The following DTNA variants were observed in gnomAD, a reference collection of about 807,000 sequenced individuals.
DTNA encodes dystrobrevin alpha.
DTNA carries 43 observed loss-of-function variants against 100.7 expected under a neutral mutation model. The observed-to-expected ratio is 0.43, with a 90% confidence interval of 0.33 to 0.55. The LOEUF (loss-of-function observed/expected upper bound fraction) is 0.55. DTNA is among the 20% of genes least tolerant of loss of function. The pLI, the probability that DTNA is intolerant of heterozygous loss-of-function variation, is 0.04. For synonymous variants in DTNA, 349 were observed against 347.9 expected, an observed-to-expected ratio of 1.00 and a Z score of -0.04; for missense variants, 798 against 953.9, an observed-to-expected ratio of 0.84 and a Z score of 2.15.
At chr18:34,678,696 G>A (rs1429931711) in intron 1 of DTNA, among the ~76,000 whole-genome samples, 1 of 152,108 alleles carries the variant, frequency 6.6e-6, no homozygotes, top group African/African-American at 2.4e-5. Flanking sequence ...GATGATGAGT[G>A]GAGTGCCTGG....
chr18:34,827,837 C>T (rs1379408289), intron 10 of DTNA, among the ~76,000 whole-genome samples, 161 bp downstream of exon 10: 6 of 152,130 alleles, frequency 3.9e-5, no homozygotes, highest in Admixed American at 1.3e-4. Flanking sequence ...CATTTGTATG[C>T]ATTTAAAGAG....
chr18:34,576,129 C>G (rs918118375), intron 1 of DTNA, among the ~76,000 whole-genome samples: 6 of 152,182 alleles, frequency 3.9e-5, no homozygotes, highest in Non-Finnish European at 8.8e-5. Flanking sequence ...TCCTAGAGTC[C>G]TGATCCTGGG....
intron 1 of DTNA, among the ~76,000 whole-genome samples, chr18:34,725,179 G>T (rs1283888567): frequency 6.6e-6 from 1 of 152,092 alleles, no homozygotes; most frequent in African/African-American, 2.4e-5. Flanking sequence ...TCAGGAGATA[G>T]GCATGGGCAA....
At chr18:34,573,321 C>T (rs1378330489) in intron 1 of DTNA, among the ~76,000 whole-genome samples, 1 of 152,198 alleles carries the variant, frequency 6.6e-6, no homozygotes, top group African/African-American at 2.4e-5. Flanking sequence ...AAAAATGCCT[C>T]TCAAAACTTT....
chr18:34,723,053 G>T (rs1214805819), intron 1 of DTNA, among the ~76,000 whole-genome samples: 1 of 151,934 alleles, frequency 6.6e-6, no homozygotes, highest in Non-Finnish European at 1.5e-5. Context: ...ATGTCTATGG[G>T]AATTTTAAAT....
intron 1 of DTNA, among the ~76,000 whole-genome samples, chr18:34,738,690 G>A (rs908936339): frequency 1.3e-5 from 2 of 152,156 alleles, no homozygotes; most frequent in Non-Finnish European, 2.9e-5. Context: ...GGTTTAGGAT[G>A]TCTGATAGAG....
chr18:34,746,771 G>T (rs1281511369), intron 1 of DTNA, among the ~76,000 whole-genome samples: 1 of 152,086 alleles, frequency 6.6e-6, no homozygotes, highest in Non-Finnish European at 1.5e-5. Flanking sequence ...CTTCCAAAAA[G>T]TTCCTTTCCA....
intron 1 of DTNA, among the ~76,000 whole-genome samples, chr18:34,622,328 T>C (rs565574709): frequency 6.6e-6 from 1 of 152,302 alleles, no homozygotes; most frequent in South Asian, 2.1e-4. Context: ...TACGTATAAC[T>C]CCGGTTTTAA....
At chr18:34,660,124 A>G (rs1289863072) in intron 1 of DTNA, among the ~76,000 whole-genome samples, 1 of 152,220 alleles carries the variant, frequency 6.6e-6, no homozygotes, top group African/African-American at 2.4e-5. Flanking sequence ...CTACAGGCAT[A>G]TAATACTTGG....
At chr18:34,809,936 C>G (rs763817151) in intron 5 of DTNA, among the ~76,000 whole-genome samples, 2 of 152,124 alleles carry the variant, frequency 1.3e-5, no homozygotes, top group African/African-American at 4.8e-5. Flanking sequence ...ATGAAGGGCG[C>G]CCCCTGCAGT....
At chr18:34,585,741 T>G (rs2049067262) in intron 1 of DTNA, among the ~76,000 whole-genome samples, 2 of 151,900 alleles carry the variant, frequency 1.3e-5, no homozygotes, top group Non-Finnish European at 2.9e-5. Context: ...AGTAGGTATC[T>G]GAGTATCATG....
chr18:34,634,426 T>C lies in DTNA; in HGVS notation c.-1-121550T>C, dbSNP rs2058435191. On this transcript the variant is annotated intron_variant, in intron 1 of 19. Coordinates refer to the DTNA transcript ENST00000283365. ...ATACTTTATTAAAAATAAACTATAA[T>C]TTATAAACAAAAATTTAGTAAGAAA... is the stretch of plus-strand genomic sequence containing the variant. Among the ~76,000 whole-genome samples the C allele has an allele frequency of 2.6e-5, 4 of 152,304 alleles. No homozygotes were observed. In the South Asian group the frequency reaches 8.3e-4, roughly 32 times the overall value.
At chr18:34,556,454 T>C (rs1307213087) in intron 1 of DTNA, among the ~76,000 whole-genome samples, 1 of 151,164 alleles carries the variant, frequency 6.6e-6, no homozygotes, top group Admixed American at 6.6e-5. Flanking sequence ...TGATGCAGTT[T>C]CTTCCTAGTC....
At chr18:34,499,277 T>C (rs1366154779) in intron 1 of DTNA, among the ~76,000 whole-genome samples, 1 of 152,232 alleles carries the variant, frequency 6.6e-6, no homozygotes, top group African/African-American at 2.4e-5. Flanking sequence ...CAGCGTAGTT[T>C]TCTGGAGATT....
intron 1 of DTNA, among the ~76,000 whole-genome samples, chr18:34,720,803 G>T (rs932335822): frequency 1.3e-5 from 2 of 152,134 alleles, no homozygotes; most frequent in African/African-American, 4.8e-5. Flanking sequence ...CTAGAGGTTT[G>T]TTCTCTGCTG....
At chr18:34,813,504 A>G (rs890610044) in intron 6 of DTNA, among the ~76,000 whole-genome samples, 1 of 151,680 alleles carries the variant, frequency 6.6e-6, no homozygotes, top group African/African-American at 2.4e-5. Flanking sequence ...TGCTCACTAC[A>G]CAGCTTTATG....
chr18:34,777,263 A>G (rs1310374385), intron 3 of DTNA, among the ~76,000 whole-genome samples: 2 of 152,258 alleles, frequency 1.3e-5, no homozygotes, highest in Admixed American at 6.5e-5. Flanking sequence ...TAAGTGTTCA[A>G]AAAATACTTA....
At chr18:34,583,766 G>C (rs2048861456) in intron 1 of DTNA, among the ~76,000 whole-genome samples, 2 of 152,134 alleles carry the variant, frequency 1.3e-5, no homozygotes, top group Admixed American at 1.3e-4. Context: ...CTAAGGGACA[G>C]ACTTGAGGCT....
At position 34,649,629 on chromosome 18, in the gene DTNA, T is replaced by C. The variant is rs535848043; in HGVS notation, c.-1-106347T>C. Among the ~76,000 whole-genome samples the C allele has an allele frequency of 3.7e-4, 56 of 152,336 alleles. 1 individual carries two copies. Among genetic ancestry groups the C allele is most frequent in the Admixed American group, 2.2e-3 (34 of 15,302 alleles). Reference sequence around the variant, plus strand: ...AAAAAATTGAGGGAATTATGATTTCTACAGAAAAAACTTTTGGTTGTTTCT... The same window carrying C: ...AAAAAATTGAGGGAATTATGATTTCCACAGAAAAAACTTTTGGTTGTTTCT... On this transcript the variant is annotated intron_variant, in intron 1 of 19. Coordinates refer to the DTNA transcript ENST00000283365.
Sources: gnomAD v4.1 joint callset for allele counts (sites outside exome capture counted in the v4.1 genomes callset) on GRCh38, gnomAD v4.1.1 for gene constraint, MANE v1.5 for transcripts, NCBI Gene and HGNC (gene_info 2026-07-23, HGNC 2026-07-21) for gene names.